The following RABGAP1L variants were observed in gnomAD, a reference collection of about 807,000 sequenced individuals.
RABGAP1L encodes rab GTPase-activating protein 1-like.
Under a neutral mutation model 137.7 loss-of-function variants are expected in RABGAP1L, and 63 were observed. The ratio of observed to expected loss-of-function variants is 0.46; its 90% confidence interval spans 0.37 to 0.56. The LOEUF (loss-of-function observed/expected upper bound fraction) is 0.56. RABGAP1L is among the 20% of genes least tolerant of loss of function. The pLI is 0.00. For missense variants in RABGAP1L, 1,095 were observed against 1,244.0 expected (o/e 0.88, Z 1.80); for synonymous variants, 431 against 433.7 (o/e 0.99, Z 0.08).
rs910083759 is a variant in RABGAP1L at position 174,637,577 on chromosome 1, T to A, written c.1824+89T>A. ...AAGGATTTTTTTACTCTGTCTTCAT[T>A]TCTTATTTGCACTATGCCATGTTTT... On this transcript the variant is annotated intron_variant, in intron 14 of 25. Coordinates refer to ENST00000681986, the MANE Select transcript of RABGAP1L (RefSeq NM_001366446.1). 5.0e-5 allele frequency: 46 copies of A among 914,544 alleles called. No individual in the cohort carries two copies. In the Admixed American group the frequency reaches 9.2e-4, roughly 18 times the overall value. 56.7% of individuals were successfully genotyped at this position (914,544 alleles called of 1,614,324 possible).
chr1:174,710,515 CCAA>C (rs1680399097), intron 17 of RABGAP1L, among the ~76,000 whole-genome samples: 1 of 152,140 alleles, frequency 6.6e-6, no homozygotes, highest in Non-Finnish European at 1.5e-5. Context: ...AGAGTGGGGG[CCAA>C]TTTTTAACAT....
chr1:174,513,849 A>T (rs1461000210), intron 13 of RABGAP1L, among the ~76,000 whole-genome samples: 2 of 152,206 alleles, frequency 1.3e-5, no homozygotes, highest in African/African-American at 4.8e-5. Context: ...TATAGTACAA[A>T]TAACATCTTT....
chr1:174,844,097 C>T (rs1196993952), intron 19 of RABGAP1L, among the ~76,000 whole-genome samples: 23 of 151,134 alleles, frequency 1.5e-4, no homozygotes, highest in African/African-American at 4.9e-4. Context: ...TAAATTTGTT[C>T]GAGTTCATTG....
At chr1:174,727,065 G>A (rs1682046298) in intron 17 of RABGAP1L, among the ~76,000 whole-genome samples, 1 of 151,992 alleles carries the variant, frequency 6.6e-6, no homozygotes, top group Non-Finnish European at 1.5e-5. Flanking sequence ...TGCAACCTTA[G>A]GCAAATAATT....
Position 174,284,094 on chromosome 1 carries a change from C to T in RABGAP1L, c.1323+5315C>T, listed in dbSNP as rs556314350. Among the ~76,000 whole-genome samples the T allele has an allele frequency of 1.9e-4, 29 of 152,292 alleles. 1 individual carries two copies. Among genetic ancestry groups the T allele is most frequent in the African/African-American group, 6.5e-4 (27 of 41,560 alleles). ...GTTAGTTAACACATCTGTCACCTCA[C>T]GTAAGTTACCTTTTTGTGTGTGTGT... On this transcript the variant is annotated intron_variant, in intron 10 of 25. Transcript: ENST00000681986.
intron 13 of RABGAP1L, among the ~76,000 whole-genome samples, chr1:174,622,364 A>G (rs190560307): frequency 6.6e-6 from 1 of 152,356 alleles, no homozygotes; most frequent in Admixed American, 6.5e-5. Context: ...GTATATACCC[A>G]AAGGACTATA....
chr1:174,577,813 T>A (rs1668486287), intron 13 of RABGAP1L, among the ~76,000 whole-genome samples: 1 of 152,238 alleles, frequency 6.6e-6, no homozygotes, highest in Non-Finnish European at 1.5e-5. Context: ...CTGGTATGCA[T>A]TTGAAGGCCT....
At chr1:174,721,600 G>T (rs991407284) in intron 17 of RABGAP1L, among the ~76,000 whole-genome samples, 1 of 152,116 alleles carries the variant, frequency 6.6e-6, no homozygotes, top group Non-Finnish European at 1.5e-5. Context: ...TGTTGCAGCA[G>T]GATAAATTAT....
intron 13 of RABGAP1L, among the ~76,000 whole-genome samples, chr1:174,527,387 G>C (rs552317419): frequency 1.3e-5 from 2 of 151,972 alleles, no homozygotes; most frequent in Admixed American, 1.3e-4. Context: ...GTTTTGAGTA[G>C]GGACTGGGTT....
chr1:174,851,659 C>A (rs1020440626), intron 19 of RABGAP1L, among the ~76,000 whole-genome samples: 1 of 151,608 alleles, frequency 6.6e-6, no homozygotes, highest in Non-Finnish European at 1.5e-5. Flanking sequence ...GCTACAGACA[C>A]GCACCACCAT....
At chr1:174,668,827 T>C (rs1676969829) in intron 14 of RABGAP1L, among the ~76,000 whole-genome samples, 1 of 152,182 alleles carries the variant, frequency 6.6e-6, no homozygotes, top group Non-Finnish European at 1.5e-5. Flanking sequence ...TGATATCTCA[T>C]TGTGGTTTTG....
chr1:174,849,895 C>G, intron 19 of RABGAP1L: 1 of 590,244 alleles, frequency 1.7e-6, no homozygotes, highest in South Asian at 1.4e-5. Flanking sequence ...AATCTGAATT[C>G]TTTCAGCTCT....
chr1:174,204,204 GCCTC>G (rs1319980368), intron 1 of RABGAP1L, among the ~76,000 whole-genome samples: 1 of 152,156 alleles, frequency 6.6e-6, no homozygotes, highest in African/African-American at 2.4e-5. Flanking sequence ...GCCCACCTCA[GCCTC>G]CCAAAGTGCT....
intron 13 of RABGAP1L, among the ~76,000 whole-genome samples, chr1:174,458,498 A>G (rs1276029222): frequency 1.3e-5 from 2 of 152,076 alleles, no homozygotes; most frequent in Non-Finnish European, 2.9e-5. Flanking sequence ...GCATCAGGAA[A>G]ATTTCTAGCA....
intron 20 of RABGAP1L, among the ~76,000 whole-genome samples, chr1:174,962,924 C>G (rs564317671): frequency 6.6e-6 from 1 of 151,830 alleles, no homozygotes; most frequent in Non-Finnish European, 1.5e-5. Flanking sequence ...ATGGTAAAAC[C>G]CTGTCTCTAC....
intron 19 of RABGAP1L, among the ~76,000 whole-genome samples, chr1:174,913,617 T>C (rs1382830656): frequency 2.0e-5 from 3 of 152,200 alleles, no homozygotes; most frequent in Admixed American, 6.5e-5. Context: ...TTTTAGCTCT[T>C]CTCCTGGTTG....
At chr1:174,989,637 T>C (rs564243948) in intron 25 of RABGAP1L, among the ~76,000 whole-genome samples, 1 of 152,218 alleles carries the variant, frequency 6.6e-6, no homozygotes, top group Admixed American at 6.5e-5. Flanking sequence ...TCTTTCACTG[T>C]TTAAAGAAAG....
intron 5 of RABGAP1L, among the ~76,000 whole-genome samples, chr1:174,247,320 C>T (rs539442301): frequency 6.6e-6 from 1 of 152,270 alleles, no homozygotes; most frequent in South Asian, 2.1e-4. Context: ...CTTAAAAATA[C>T]GCTTAAGTCC....
At position 174,465,038 on chromosome 1, in the gene RABGAP1L, A is replaced by G. The variant is rs60612632; in HGVS notation, c.1710+70893A>G. ...ATTGACATAGGATCAAATGTCCACC[A>G]TTTGATCCCATGTCATATCTCTGTG... is the stretch of plus-strand genomic sequence containing the variant. On this transcript the variant is annotated intron_variant, in intron 13 of 25. Coordinates refer to ENST00000681986, the MANE Select transcript of RABGAP1L (RefSeq NM_001366446.1). Among the ~76,000 whole-genome samples, 200 of 152,132 alleles carry G rather than the reference A, an allele frequency of 1.3e-3. 1 individual carries two copies. Among genetic ancestry groups the G allele is most frequent in the African/African-American group, 4.5e-3 (186 of 41,502 alleles).
Sources: allele counts gnomAD v4.1 joint callset (sites outside exome capture counted in the v4.1 genomes callset), GRCh38; gene constraint gnomAD v4.1.1; transcripts MANE v1.5; gene names NCBI Gene and HGNC (gene_info 2026-07-23, HGNC 2026-07-21).